PTPRM: variants seen among roughly 807,000 people sequenced by gnomAD.
PTPRM encodes receptor-type tyrosine-protein phosphatase mu.
PTPRM carries 47 observed loss-of-function variants against 186.7 expected under a neutral mutation model. The ratio of observed to expected loss-of-function variants is 0.25; its 90% CI spans 0.20 to 0.32. The LOEUF is 0.32. Ranked by LOEUF, PTPRM falls within the 10% of genes least tolerant of loss-of-function variation. The pLI, the probability that PTPRM is intolerant of heterozygous loss-of-function variation, is 1.00. For missense variants in PTPRM, 1,494 were observed against 1,865.0 expected (o/e 0.80, Z 3.66); for synonymous variants, 668 against 674.9 (o/e 0.99, Z 0.16).
intron 2 of PTPRM, among the ~76,000 whole-genome samples, chr18:7,788,410 A>G (rs1004698047): frequency 6.6e-6 from 1 of 152,224 alleles, no homozygotes; most frequent in African/African-American, 2.4e-5. Flanking sequence ...AAGTATGAGT[A>G]GTATTCATAT....
intron 22 of PTPRM, among the ~76,000 whole-genome samples, chr18:8,341,121 A>G (rs1007986758): frequency 6.6e-6 from 1 of 152,196 alleles, no homozygotes; most frequent in Non-Finnish European, 1.5e-5. Flanking sequence ...AAATCCTTGC[A>G]GAAGATGTCA....
chr18:8,141,182 T>G (rs1402215933), intron 13 of PTPRM, among the ~76,000 whole-genome samples: 1 of 152,152 alleles, frequency 6.6e-6, no homozygotes, highest in Non-Finnish European at 1.5e-5. Flanking sequence ...CTGGAGTCAG[T>G]GACACCCACC....
chr18:8,098,098 G>A (rs1003028655), intron 11 of PTPRM, among the ~76,000 whole-genome samples: 10 of 152,134 alleles, frequency 6.6e-5, no homozygotes, highest in Non-Finnish European at 1.5e-4. Context: ...TACAGCCTAG[G>A]GGTGTAGTAG....
At chr18:8,003,789 A>G (rs1208093471) in intron 7 of PTPRM, among the ~76,000 whole-genome samples, 1 of 152,248 alleles carries the variant, frequency 6.6e-6, no homozygotes, top group African/African-American at 2.4e-5. Flanking sequence ...TTGAGGGCCT[A>G]TTACATACAA....
chr18:8,128,034 C>A (rs961319697), intron 13 of PTPRM, among the ~76,000 whole-genome samples: 3 of 152,088 alleles, frequency 2.0e-5, no homozygotes, highest in African/African-American at 7.2e-5. Context: ...CACTCGAAAA[C>A]GTACTATCTC....
At chr18:8,011,688 T>C (rs943132897) in intron 7 of PTPRM, among the ~76,000 whole-genome samples, 1 of 152,128 alleles carries the variant, frequency 6.6e-6, no homozygotes, top group African/African-American at 2.4e-5. Flanking sequence ...TTGCAGCTAT[T>C]AGGAAATAAC....
chr18:7,613,963 T>C (rs2037741758), intron 1 of PTPRM, among the ~76,000 whole-genome samples: 1 of 152,184 alleles, frequency 6.6e-6, no homozygotes, highest in African/African-American at 2.4e-5. Flanking sequence ...GGCTGCTAGA[T>C]AGTTATTGGA....
At chr18:8,328,155 G>A (rs1030074968) in intron 22 of PTPRM, among the ~76,000 whole-genome samples, 3 of 152,094 alleles carry the variant, frequency 2.0e-5, no homozygotes, top group African/African-American at 7.2e-5. Context: ...AGATAAATAT[G>A]GTTTATATTT....
At chr18:7,824,456 A>G (rs1233932449) in intron 2 of PTPRM, among the ~76,000 whole-genome samples, 1 of 152,010 alleles carries the variant, frequency 6.6e-6, no homozygotes, top group East Asian at 1.9e-4. Flanking sequence ...TTTTTTCCTC[A>G]GTAGCATTTT....
chr18:8,288,006 A>C (rs778149012), intron 19 of PTPRM, among the ~76,000 whole-genome samples: 3 of 152,224 alleles, frequency 2.0e-5, no homozygotes, highest in Non-Finnish European at 4.4e-5. Flanking sequence ...AAGTTCCAGA[A>C]TCTTCAAAGA....
intron 1 of PTPRM, among the ~76,000 whole-genome samples, chr18:7,596,711 G>C (rs1043179388): frequency 7.9e-5 from 12 of 152,096 alleles, no homozygotes; most frequent in Non-Finnish European, 1.5e-4. Context: ...GGGGACTGCT[G>C]TATGTTTATT....
chr18:7,691,633 A>T (rs2144648811), intron 1 of PTPRM, among the ~76,000 whole-genome samples: 1 of 152,276 alleles, frequency 6.6e-6, no homozygotes, highest in East Asian at 1.9e-4. Flanking sequence ...GAGGCTAGGC[A>T]CCATAGTTCA....
intron 11 of PTPRM, among the ~76,000 whole-genome samples, chr18:8,106,667 G>A (rs2091535706): frequency 6.6e-6 from 1 of 152,140 alleles, no homozygotes; most frequent in South Asian, 2.1e-4. Context: ...CCTGATACGT[G>A]GTGAATATTG....
chr18:8,063,302 C>T (rs546890142), intron 7 of PTPRM, among the ~76,000 whole-genome samples: 24 of 150,732 alleles, frequency 1.6e-4, no homozygotes, highest in East Asian at 1.4e-3. Context: ...GGCAATGCCT[C>T]GCCCTGCTTC....
chr18:8,114,696 T>C (rs2091889749), intron 12 of PTPRM, 95 bp from the exon 13 acceptor site: 1 of 975,762 alleles, frequency 1.0e-6, no homozygotes, highest in Non-Finnish European at 1.6e-6. Flanking sequence ...GTGAGATCCT[T>C]CCTTATCAGT....
At chr18:7,891,480 T>G (rs1451528028) in intron 3 of PTPRM, among the ~76,000 whole-genome samples, 2 of 152,160 alleles carry the variant, frequency 1.3e-5, no homozygotes, top group African/African-American at 4.8e-5. Flanking sequence ...AATAAACACA[T>G]GCTTTTTATA....
intron 22 of PTPRM, among the ~76,000 whole-genome samples, chr18:8,337,149 A>G (rs185477006): frequency 9.2e-5 from 14 of 152,098 alleles, no homozygotes; most frequent in Non-Finnish European, 1.8e-4. Context: ...CTACTCATAT[A>G]TGCCTTAGAT....
chr18:8,387,192 G>C lies in PTPRM; in HGVS notation c.4165G>C (p.Glu1389Gln). The part of the protein sequence containing the change: ...KLIRQVDKWQ[E>Q]EYNGGEGRTV... ...CATTCGCCAGGTGGACAAGTGGCAA[G>C]AGGAGTACAATGGCGGGGAAGGCCG... The change falls in exon 31 of 33, where the codon GAG (glutamate) becomes CAG (glutamine). Residue 1389 changes from glutamate (E) to glutamine (Q), a missense_variant. By Grantham distance (29) the Glu-to-Gln change is conservative. Around this residue, in one of 3 missense-constraint regions of PTPRM, gnomAD observed 1,107 missense variants for 1,350.2 expected, o/e 0.82. Transcript: ENST00000580170. 1 of 1,613,992 alleles carries C rather than the reference G, an allele frequency of 6.2e-7. No homozygotes were observed. Among genetic ancestry groups the C allele is most frequent in the Non-Finnish European group, 8.5e-7 (1 of 1,179,834 alleles).
chr18:7,947,241 T>C (rs970024616), intron 5 of PTPRM, among the ~76,000 whole-genome samples: 1 of 152,170 alleles, frequency 6.6e-6, no homozygotes, highest in Non-Finnish European at 1.5e-5. Context: ...TATGGCTGTG[T>C]CCTTGCGTAT....
Sources: gnomAD v4.1 joint callset for allele counts (sites outside exome capture counted in the v4.1 genomes callset) on GRCh38, gnomAD v4.1.1 for gene constraint, gnomAD v4.1.1 regional missense constraint, MANE v1.5 for transcripts, NCBI Gene and HGNC (gene_info 2026-07-23, HGNC 2026-07-21) for gene names.